The following SNX4 variants were observed in gnomAD, a reference collection of about 807,000 sequenced individuals.
The protein encoded by SNX4 is sorting nexin-4.
Under a neutral mutation model 70.8 loss-of-function variants are expected in SNX4, and 49 were observed. The observed-to-expected ratio is 0.69, with a 90% confidence interval of 0.55 to 0.88. The LOEUF (loss-of-function observed/expected upper bound fraction) is 0.88, where lower values mean the gene tolerates loss of function less well. Ranked by LOEUF, SNX4 falls within the 40% of genes least tolerant of loss-of-function variation. The pLI, the probability that SNX4 is intolerant of heterozygous loss-of-function variation, is 0.00. For missense variants in SNX4, 528 were observed against 544.8 expected (o/e 0.97, Z 0.31); for synonymous variants, 206 against 183.8 (o/e 1.12, Z -0.98).
chr3:125,516,512 G>T (rs1935281800), intron 1 of SNX4, among the ~76,000 whole-genome samples: 1 of 152,128 alleles, frequency 6.6e-6, no homozygotes, highest in Non-Finnish European at 1.5e-5. Flanking sequence ...AGGATAATTG[G>T]TATAAATTAC....
chr3:125,500,694 C>A (rs1248633079), intron 2 of SNX4, among the ~76,000 whole-genome samples: 4 of 145,398 alleles, frequency 2.8e-5, no homozygotes, highest in Admixed American at 1.4e-4. Context: ...CCCAGCTACT[C>A]GGGAGGCTGA....
chr3:125,488,046 G>C (rs1215428423), intron 6 of SNX4, among the ~76,000 whole-genome samples: 5 of 151,814 alleles, frequency 3.3e-5, no homozygotes, highest in African/African-American at 1.2e-4. Flanking sequence ...CTGATAGTTA[G>C]GGAGGCTGTG....
At chr3:125,449,550 T>C (rs1189251363) in intron 13 of SNX4, among the ~76,000 whole-genome samples, 1 of 152,136 alleles carries the variant, frequency 6.6e-6, no homozygotes, top group Non-Finnish European at 1.5e-5. Flanking sequence ...TAAAAATCTA[T>C]ATCACTTAGG....
chr3:125,458,697 CCAG>C (rs1559809863), intron 10 of SNX4, among the ~76,000 whole-genome samples: 3 of 151,530 alleles, frequency 2.0e-5, no homozygotes, highest in African/African-American at 7.3e-5. Flanking sequence ...GCCTGTACTC[CCAG>C]CTACGCGGGA....
chr3:125,520,145 G>A lies in SNX4; in HGVS notation c.28C>T (p.Arg10Trp). 2 of 1,447,028 alleles carry A rather than the reference G, an allele frequency of 1.4e-6. No homozygotes were observed. The highest frequency in any genetic ancestry group is 1.8e-6 in the Non-Finnish European group (2 of 1,105,980). The allele number at this position is 1,447,028 out of a possible 1,614,324, so 89.6% of individuals were successfully genotyped here. A position where few individuals can be genotyped will look rare whatever the true frequency, so the allele number is the denominator to read the frequency against. The change falls in exon 1 of 14, where the codon CGG becomes TGG. Residue 10 changes from arginine (R) to tryptophan (W), a missense_variant. Arg to Trp is a moderately radical substitution (Grantham distance 101). Coordinates refer to ENST00000251775, the MANE Select transcript of SNX4 (RefSeq NM_003794.4). The stretch of plus-strand genomic sequence containing the variant: ...TCCAAGGGCGCCGGCTGGAGCTGCC[G>A]CTCGGGGTCCGGAGGTGCCTGCTCC... MEQAPPDPE[R>W]QLQPAPLEPL... is the part of the protein sequence containing the mutation.
chr3:125,450,710 A>G (rs929770017), intron 13 of SNX4, among the ~76,000 whole-genome samples: 5 of 152,202 alleles, frequency 3.3e-5, no homozygotes, highest in African/African-American at 4.8e-5. Context: ...ATAAGCTTCA[A>G]TGTTTGTATC....
chr3:125,515,097 T>C (rs190234890), intron 1 of SNX4, among the ~76,000 whole-genome samples: 246 of 152,272 alleles, frequency 1.6e-3, no homozygotes, highest in Non-Finnish European at 2.9e-3. Flanking sequence ...TAAAAGTGTA[T>C]TTTGCTTTGA....
intron 2 of SNX4, among the ~76,000 whole-genome samples, chr3:125,499,043 C>T (rs1010041672): frequency 2.8e-4 from 43 of 151,908 alleles, no homozygotes; most frequent in African/African-American, 9.0e-4. Flanking sequence ...GAAAGAGTGG[C>T]GAAGAGGGGT....
At chr3:125,459,542 T>C (rs571868715) in intron 10 of SNX4, among the ~76,000 whole-genome samples, 18 of 152,172 alleles carry the variant, frequency 1.2e-4, no homozygotes, top group African/African-American at 3.6e-4. Flanking sequence ...GTTCAAGCAG[T>C]TATTCTGCCT....
chr3:125,461,320 C>G (rs1002892570), intron 9 of SNX4, among the ~76,000 whole-genome samples: 1 of 152,158 alleles, frequency 6.6e-6, no homozygotes, highest in African/African-American at 2.4e-5. Context: ...TAAGTACAGA[C>G]AGTGAGAATT....
intron 8 of SNX4, among the ~76,000 whole-genome samples, chr3:125,476,243 G>A (rs572886975): frequency 1.7e-3 from 236 of 140,054 alleles, no homozygotes; most frequent in Non-Finnish European, 2.3e-3. Flanking sequence ...TCCAGCCTGG[G>A]CGACAGAGCA....
chr3:125,493,528 C>A (rs1254810389), intron 5 of SNX4, among the ~76,000 whole-genome samples: 1 of 150,980 alleles, frequency 6.6e-6, no homozygotes, highest in African/African-American at 2.4e-5. Flanking sequence ...GTGGTGGGCG[C>A]CTGTAGTCTC....
chr3:125,497,798 T>C (rs1304632010), intron 4 of SNX4, 36 bp downstream of exon 4: 1 of 1,422,288 alleles, frequency 7.0e-7, no homozygotes, highest in African/African-American at 1.4e-5. Flanking sequence ...CCAAATTAAA[T>C]GAATATTTTA....
At chr3:125,455,387 T>C (rs932025317) in intron 11 of SNX4, among the ~76,000 whole-genome samples, 1 of 152,218 alleles carries the variant, frequency 6.6e-6, no homozygotes, top group African/African-American at 2.4e-5. Context: ...TAAAGAAGCA[T>C]ATTTAAAATC....
intron 11 of SNX4, among the ~76,000 whole-genome samples, chr3:125,455,072 G>A (rs1326171478): frequency 1.3e-5 from 2 of 152,036 alleles, no homozygotes; most frequent in Non-Finnish European, 2.9e-5. Context: ...GGGACCACAG[G>A]TGCATGCCAC....
At chr3:125,475,981 A>G (rs1055772021) in intron 8 of SNX4, among the ~76,000 whole-genome samples, 2 of 151,770 alleles carry the variant, frequency 1.3e-5, no homozygotes, top group African/African-American at 2.4e-5. Flanking sequence ...CCTGTATTAA[A>G]AAAAAAACCG....
intron 1 of SNX4, among the ~76,000 whole-genome samples, chr3:125,515,112 C>T (rs557996222): frequency 1.3e-5 from 2 of 152,224 alleles, no homozygotes; most frequent in East Asian, 3.9e-4. Flanking sequence ...CTTTGAGAGG[C>T]CAAGGCAGGA....
chr3:125,507,245 C>T (rs957388510), intron 1 of SNX4, among the ~76,000 whole-genome samples: 1 of 137,232 alleles, frequency 7.3e-6, no homozygotes, highest in African/African-American at 2.7e-5. Flanking sequence ...CTGAAAAGTA[C>T]AATAACTGAA....
chr3:125,446,869 AAT>A lies in SNX4; in HGVS notation c.*908_*909del, dbSNP rs1410011724. On this transcript the variant is annotated 3_prime_UTR_variant, in exon 14 of 14. Transcript: ENST00000251775. ...ACTACAAACACACATACAAAAAAAC[AAT>A]ATAATTTATCTTTACAAAAATTACA... 2 of 152,572 alleles carry A rather than the reference AAT, an allele frequency of 1.3e-5. No homozygotes were observed. Among genetic ancestry groups the A allele is most frequent in the Admixed American group, 6.5e-5 (1 of 15,272 alleles). The allele number at this position is 152,572 out of a possible 1,614,324, so 9.5% of individuals were successfully genotyped here.
Sources: allele counts gnomAD v4.1 joint callset (sites outside exome capture counted in the v4.1 genomes callset), GRCh38; gene constraint gnomAD v4.1.1; transcripts MANE v1.5; gene names NCBI Gene and HGNC (gene_info 2026-07-23, HGNC 2026-07-21).